The following ADAM10 variants were observed in gnomAD, a reference collection of about 807,000 sequenced individuals.
The protein encoded by ADAM10 is disintegrin and metalloproteinase domain-containing protein 10.
In ADAM10, 17 loss-of-function variants were observed where a neutral mutation model predicts 90.1. The ratio of observed to expected loss-of-function variants is 0.19; its 90% confidence interval spans 0.13 to 0.28. The LOEUF is 0.28. Ranked by LOEUF, ADAM10 falls within the 10% of genes least tolerant of loss-of-function variation. The pLI, the probability that ADAM10 is intolerant of heterozygous loss-of-function variation, is 1.00. For synonymous variants in ADAM10, 310 were observed against 298.6 expected, an observed-to-expected ratio of 1.04 and a Z score of -0.40; for missense variants, 610 against 914.3, an observed-to-expected ratio of 0.67 and a Z score of 4.29.
chr15:58,637,254 A>G lies in ADAM10; in HGVS notation c.1012+3523T>C, dbSNP rs1011975530. 1.1e-4 allele frequency among the ~76,000 whole-genome samples: 16 copies of G among 152,342 alleles called. No individual in the cohort carries two copies. In the East Asian group the frequency reaches 1.4e-3, roughly 13 times the overall value. ...AATGCCTCAAAAGATGTTCTTCACA[A>G]ATAGAGGAGTACTGAAGGTTTCAGG... On this transcript the variant is annotated intron_variant, in intron 8 of 15. Coordinates refer to ENST00000260408, the MANE Select transcript of ADAM10 (RefSeq NM_001110.4).
At chr15:58,683,732 C>T (rs1363890393) in intron 2 of ADAM10, among the ~76,000 whole-genome samples, 10 of 151,750 alleles carry the variant, frequency 6.6e-5, no homozygotes, top group Non-Finnish European at 1.3e-4. Context: ...TGGTGGCTTG[C>T]ACCTCTAGTC....
At chr15:58,687,393 G>A (rs1369578980) in intron 2 of ADAM10, among the ~76,000 whole-genome samples, 1 of 152,128 alleles carries the variant, frequency 6.6e-6, no homozygotes, top group Non-Finnish European at 1.5e-5. Context: ...GTGACCCACA[G>A]AACATTGTAA....
chr15:58,616,726 AAAGC>A (rs1293196613), intron 11 of ADAM10, among the ~76,000 whole-genome samples: 1 of 152,224 alleles, frequency 6.6e-6, no homozygotes, highest in Non-Finnish European at 1.5e-5. Flanking sequence ...GAATCAGGAA[AAAGC>A]AAGAACGAAC....
intron 11 of ADAM10, among the ~76,000 whole-genome samples, chr15:58,618,485 T>C (rs1425464182): frequency 2.6e-5 from 4 of 152,148 alleles, no homozygotes; most frequent in African/African-American, 9.7e-5. Flanking sequence ...ACCTCAATAC[T>C]GCAGACAACA....
chr15:58,597,897 A>G (rs1006316781), intron 15 of ADAM10, among the ~76,000 whole-genome samples: 1 of 152,112 alleles, frequency 6.6e-6, no homozygotes, highest in African/African-American at 2.4e-5. Flanking sequence ...TCAATACAAA[A>G]ATTACTAACA....
intron 8 of ADAM10, among the ~76,000 whole-genome samples, chr15:58,639,955 A>C (rs1181963628): frequency 6.6e-6 from 1 of 152,108 alleles, no homozygotes; most frequent in Non-Finnish European, 1.5e-5. Flanking sequence ...ATAGCTCAGA[A>C]GATAATATAC....
At chr15:58,696,656 G>A (rs1055214731) in intron 2 of ADAM10, among the ~76,000 whole-genome samples, 4 of 151,848 alleles carry the variant, frequency 2.6e-5, no homozygotes, top group South Asian at 4.2e-4. Context: ...GTACAGATGC[G>A]GTTTCACCAT....
At chr15:58,704,512 T>C (rs973084142) in intron 2 of ADAM10, among the ~76,000 whole-genome samples, 1 of 152,208 alleles carries the variant, frequency 6.6e-6, no homozygotes, top group Admixed American at 6.5e-5. Context: ...TCTTGCTCTT[T>C]ACCACTTAAA....
chr15:58,652,582 T>C (rs1896716441), intron 5 of ADAM10, among the ~76,000 whole-genome samples: 1 of 152,212 alleles, frequency 6.6e-6, no homozygotes, highest in Non-Finnish European at 1.5e-5. Context: ...CTCTATTCTG[T>C]TCCATGGGTC....
rs1328583930 is a variant in ADAM10, at chr15:58,595,878, CTACT to C, written c.*1665_*1668del. Reference sequence around the variant, plus strand: ...TAAAAGCAATTACATACATATCTACCTACTTGTTTGTTTAGAATTATTTATAGTC... The same window carrying C: ...TAAAAGCAATTACATACATATCTACCTGTTTGTTTAGAATTATTTATAGTC... On this transcript the variant is annotated 3_prime_UTR_variant, in exon 16 of 16. Transcript: ENST00000260408. 10 of 152,048 alleles carry C rather than the reference CTACT, an allele frequency of 6.6e-5. No homozygotes were observed. Among genetic ancestry groups the C allele is most frequent in the African/African-American group, 1.4e-4 (6 of 41,398 alleles). The allele number at this position is 152,048 out of a possible 1,614,324, so 9.4% of individuals were successfully genotyped here. A position where few individuals can be genotyped will look rare whatever the true frequency, so the allele number is the denominator to read the frequency against.
At chr15:58,681,977 CCT>C (rs1284030617) in intron 3 of ADAM10, among the ~76,000 whole-genome samples, 12 of 152,080 alleles carry the variant, frequency 7.9e-5, no homozygotes, top group African/African-American at 2.9e-4. Context: ...AAATTTCACC[CCT>C]TTCAGAAGCC....
chr15:58,631,282 C>T (rs1201488718), intron 9 of ADAM10, among the ~76,000 whole-genome samples: 1 of 152,154 alleles, frequency 6.6e-6, no homozygotes, highest in Non-Finnish European at 1.5e-5. Flanking sequence ...CAGATGAAGA[C>T]AACCATCTAC....
intron 3 of ADAM10, 42 bp from the exon 4 acceptor site, chr15:58,679,324 C>T (rs767765826): frequency 4.4e-6 from 7 of 1,580,924 alleles, no homozygotes; most frequent in East Asian, 4.5e-5. Context: ...TTAATTTGCA[C>T]ATGAATGTTA....
intron 5 of ADAM10, among the ~76,000 whole-genome samples, chr15:58,653,049 T>G (rs772441260): frequency 1.4e-4 from 21 of 152,234 alleles, no homozygotes; most frequent in Non-Finnish European, 2.5e-4. Flanking sequence ...ATGCTACTGA[T>G]TTTTGTACGT....
intron 5 of ADAM10, among the ~76,000 whole-genome samples, chr15:58,659,461 T>C (rs149425014): frequency 0.012 from 1,893 of 152,242 alleles, 25 homozygotes; most frequent in Non-Finnish European, 0.021. Context: ...ACTAGTCTAC[T>C]GAGATAATCA....
chr15:58,633,475 T>C, intron 8 of ADAM10, 116 bp from the exon 9 acceptor site: 3 of 875,330 alleles, frequency 3.4e-6, no homozygotes, highest in Non-Finnish European at 5.3e-6. Flanking sequence ...ATAGAACTGG[T>C]ACTCAAACGT....
rs1221858267 is a variant in ADAM10, at chr15:58,591,764, AGT to A, written c.*5781_*5782del. On this transcript the variant is annotated 3_prime_UTR_variant, in exon 16 of 16. Transcript: ENST00000260408. ...ATACATCGTATCATTTCATTTTTTA[AGT>A]GTTTCAATTTGCATCTCTAAAAGGG... The A allele has an allele frequency of 6.6e-6, 1 of 152,238 alleles. No individual in the cohort carries two copies. The highest frequency in any genetic ancestry group is 1.5e-5 in the Non-Finnish European group (1 of 68,044). 9.4% of individuals were successfully genotyped at this position (152,238 alleles called of 1,614,324 possible). A position where few individuals can be genotyped will look rare whatever the true frequency, so the allele number is the denominator to read the frequency against.
chr15:58,666,809 G>C (rs71478684), intron 4 of ADAM10, among the ~76,000 whole-genome samples: 1 of 151,930 alleles, frequency 6.6e-6, no homozygotes, highest in Admixed American at 6.6e-5. Context: ...TTGAAACTTA[G>C]GGTAAAAAAA....
chr15:58,676,261 A>AT, intron 4 of ADAM10: 1 of 455,778 alleles, frequency 2.2e-6, no homozygotes, highest in Non-Finnish European at 4.4e-6. Context: ...ATCAAGTGAC[A>AT]TAAGTTTTCT....
Sources: gnomAD v4.1 joint callset for allele counts (sites outside exome capture counted in the v4.1 genomes callset) on GRCh38, gnomAD v4.1.1 for gene constraint, MANE v1.5 for transcripts, NCBI Gene and HGNC (gene_info 2026-07-23, HGNC 2026-07-21) for gene names.